Variants in FBXL13 observed in about 807,000 individuals in gnomAD.
The protein encoded by FBXL13 is F-box and leucine rich repeat protein 13.
FBXL13 carries 67 observed loss-of-function variants against 83.6 expected under a neutral mutation model. The observed-to-expected ratio is 0.80, with a 90% CI of 0.66 to 0.98. The LOEUF is 0.98. Among genes scored for constraint, FBXL13 ranks in the 50% least tolerant of loss-of-function variants. The pLI is 0.00. For synonymous variants in FBXL13, 272 were observed against 299.5 expected, an observed-to-expected ratio of 0.91 and a Z score of 0.95; for missense variants, 822 against 866.5, an observed-to-expected ratio of 0.95 and a Z score of 0.64.
intron 19 of FBXL13, among the ~76,000 whole-genome samples, chr7:102,820,632 T>A (rs1333713100): frequency 6.6e-6 from 1 of 152,230 alleles, no homozygotes; most frequent in Admixed American, 6.5e-5. Context: ...CATAACAGAC[T>A]ACTACAGACT....
At chr7:102,988,308 G>A (rs1245384026) in intron 6 of FBXL13, 1 of 152,256 alleles carries the variant, frequency 6.6e-6, no homozygotes, top group Non-Finnish European at 1.5e-5. Flanking sequence ...TTAAGGGGCG[G>A]GGATGATACT....
At chr7:103,026,273 G>A (rs1793906668) in intron 5 of FBXL13, among the ~76,000 whole-genome samples, 1 of 151,854 alleles carries the variant, frequency 6.6e-6, no homozygotes, top group Non-Finnish European at 1.5e-5. Flanking sequence ...CAAGTAGCTG[G>A]GATTACAGGG....
At chr7:102,858,050 A>G (rs1363523967) in intron 16 of FBXL13, among the ~76,000 whole-genome samples, 1 of 152,194 alleles carries the variant, frequency 6.6e-6, no homozygotes, top group Admixed American at 6.5e-5. Context: ...GAATCAACCC[A>G]AATGTTCATC....
At chr7:103,053,426 T>G (rs1797033679) in intron 2 of FBXL13, among the ~76,000 whole-genome samples, 1 of 152,208 alleles carries the variant, frequency 6.6e-6, no homozygotes, top group African/African-American at 2.4e-5. Context: ...GTGCTGGAAT[T>G]ACAGGCATGA....
At chr7:102,905,477 C>G (rs1423261840) in intron 11 of FBXL13, among the ~76,000 whole-genome samples, 1 of 152,040 alleles carries the variant, frequency 6.6e-6, no homozygotes, top group Admixed American at 6.6e-5. Context: ...TTTCTCCATT[C>G]TTTTATTTTC....
chr7:102,998,700 C>T (rs1407306192), intron 6 of FBXL13, among the ~76,000 whole-genome samples: 3 of 152,046 alleles, frequency 2.0e-5, no homozygotes, highest in Non-Finnish European at 2.9e-5. Context: ...GGCGCAGTGG[C>T]TCCTGCCTGT....
At chr7:102,935,874 T>C (rs533057486) in intron 8 of FBXL13, among the ~76,000 whole-genome samples, 1 of 152,312 alleles carries the variant, frequency 6.6e-6, no homozygotes, top group Admixed American at 6.5e-5. Flanking sequence ...TTTTGTTTCT[T>C]TAAGGGCAAG....
chr7:102,924,263 C>T (rs905373617), intron 10 of FBXL13, among the ~76,000 whole-genome samples: 1 of 148,586 alleles, frequency 6.7e-6, no homozygotes. Flanking sequence ...AAAAGTAAAA[C>T]TATGCTTAGC....
At chr7:102,909,836 G>A (rs565565406) in intron 11 of FBXL13, among the ~76,000 whole-genome samples, 1 of 152,166 alleles carries the variant, frequency 6.6e-6, no homozygotes, top group East Asian at 1.9e-4. Context: ...TTGGATCGAT[G>A]AGCTGTGAGG....
chr7:102,876,010 T>C (rs1809193667), intron 16 of FBXL13, among the ~76,000 whole-genome samples: 1 of 152,192 alleles, frequency 6.6e-6, no homozygotes, highest in Admixed American at 6.5e-5. Context: ...TGGAATCTAG[T>C]TGACTTGTGT....
At chr7:103,028,494 TA>T in intron 4 of FBXL13, 105 bp downstream of exon 5, 1 of 719,908 alleles carries the variant, frequency 1.4e-6, no homozygotes, top group Non-Finnish European at 2.1e-6. Context: ...TGTCTAGACA[TA>T]AAAATGATAG....
At chr7:102,961,884 T>G (rs988461243) in intron 8 of FBXL13, among the ~76,000 whole-genome samples, 8 of 147,366 alleles carry the variant, frequency 5.4e-5, no homozygotes, top group Non-Finnish European at 1.0e-4. Flanking sequence ...ATAAAAACCC[T>G]AGAAGAAAAC....
In FBXL13 at chr7:103,024,694, C is replaced by G. The variant is rs1215788867; in HGVS notation, c.495+369G>C. On this transcript the variant is annotated intron_variant, in intron 6 of 19. Coordinates refer to ENST00000313221, the Ensembl canonical transcript of FBXL13. ...ACCAGTAAGAAAATTATAGGAATTA[C>G]AATGTAAAAACAGACAAGATAGGAG... 2.7e-5 allele frequency among the ~76,000 whole-genome samples: 4 copies of G among 149,778 alleles called. No individual in the cohort carries two copies. The South Asian group carries it at 6.3e-4, about 24-fold the overall frequency.
exon 6 of FBXL13, chr7:103,025,208 A>G (rs771733971): frequency 6.3e-7 from 1 of 1,581,486 alleles, no homozygotes; most frequent in Non-Finnish European, 8.6e-7. Context: ...CCATTTTTTC[A>G]ATTGAAGTTC....
chr7:102,923,794 C>T (rs1196515011), intron 10 of FBXL13, among the ~76,000 whole-genome samples: 5 of 151,790 alleles, frequency 3.3e-5, no homozygotes, highest in Non-Finnish European at 7.4e-5. Context: ...CACTGTACTC[C>T]AGCCTGGGTG....
chr7:102,887,981 G>GTT (rs1011488910), intron 11 of FBXL13, among the ~76,000 whole-genome samples: 1 of 152,176 alleles, frequency 6.6e-6, no homozygotes, highest in African/African-American at 2.4e-5. Flanking sequence ...AAAAGATAGC[G>GTT]TAAGGAAGCC....
At chr7:102,885,967 T>C (rs1444090868) in intron 11 of FBXL13, among the ~76,000 whole-genome samples, 2 of 152,190 alleles carry the variant, frequency 1.3e-5, no homozygotes, top group Non-Finnish European at 2.9e-5. Context: ...TCAATTCTAC[T>C]CCATTGTTCT....
chr7:102,901,746 G>A (rs1643762329), intron 11 of FBXL13, among the ~76,000 whole-genome samples: 1 of 152,166 alleles, frequency 6.6e-6, no homozygotes, highest in African/African-American at 2.4e-5. Context: ...CATCCCTGTT[G>A]TTGCAAATGA....
intron 6 of FBXL13, among the ~76,000 whole-genome samples, chr7:102,994,310 G>T (rs1341243664): frequency 6.6e-6 from 1 of 150,860 alleles, no homozygotes; most frequent in Non-Finnish European, 1.5e-5. Context: ...CTTTAAAAAA[G>T]TTACCCTTGT....
Sources: gnomAD v4.1 joint callset for allele counts (sites outside exome capture counted in the v4.1 genomes callset) on GRCh38, gnomAD v4.1.1 for gene constraint, MANE v1.5 for transcripts, NCBI Gene and HGNC (gene_info 2026-07-23, HGNC 2026-07-21) for gene names.